DCUN1D2: variants seen among roughly 807,000 people sequenced by gnomAD.
The protein encoded by DCUN1D2 is DCN1-like protein 2.
DCUN1D2 carries 29 observed loss-of-function variants against 30.9 expected under a neutral mutation model. The ratio of observed to expected loss-of-function variants is 0.94; its 90% CI spans 0.70 to 1.28. The LOEUF (loss-of-function observed/expected upper bound fraction) is 1.28. Ranked by LOEUF, DCUN1D2 falls within the 50% of genes most tolerant of loss-of-function variation. DCUN1D2 has a pLI of 0.00. For synonymous variants in DCUN1D2, 121 were observed against 115.3 expected, an observed-to-expected ratio of 1.05 and a Z score of -0.32; for missense variants, 325 against 316.9, an observed-to-expected ratio of 1.03 and a Z score of -0.19.
chr13:113,468,202 T>A (rs2044439931), intron 4 of DCUN1D2, among the ~76,000 whole-genome samples: 1 of 152,164 alleles, frequency 6.6e-6, no homozygotes, highest in Admixed American at 6.5e-5. Flanking sequence ...CAGGGAATAT[T>A]ATTCAACCTT....
chr13:113,460,124 C>T (rs894206077), intron 5 of DCUN1D2, among the ~76,000 whole-genome samples: 28 of 152,252 alleles, frequency 1.8e-4, no homozygotes, highest in Non-Finnish European at 3.5e-4. Context: ...TAATACAGCA[C>T]ATGATGTAAT....
intron 5 of DCUN1D2, chr13:113,459,611 T>C: frequency 2.4e-6 from 1 of 419,810 alleles, no homozygotes; most frequent in Non-Finnish European, 4.3e-6. Context: ...AAAGCAGATT[T>C]ATTTAAGAAC....
At chr13:113,462,748 C>T (rs1184328890) in intron 4 of DCUN1D2, 2 of 1,043,568 alleles carry the variant, frequency 1.9e-6, no homozygotes, top group Non-Finnish European at 2.3e-6. Context: ...ACCGATGGGA[C>T]CCGCAGTAAA....
chr13:113,460,592 T>C (rs2139674838), intron 5 of DCUN1D2, among the ~76,000 whole-genome samples: 1 of 152,276 alleles, frequency 6.6e-6, no homozygotes, highest in African/African-American at 2.4e-5. Flanking sequence ...CACTTAGAAA[T>C]GGCTTCAGAC....
At chr13:113,483,455 A>C (rs1001241132) in intron 2 of DCUN1D2, among the ~76,000 whole-genome samples, 15 of 152,092 alleles carry the variant, frequency 9.9e-5, no homozygotes, top group African/African-American at 3.6e-4. Context: ...CTCATCATCA[A>C]TATTTCAGCC....
In DCUN1D2 at chr13:113,457,832, G is replaced by A. The variant is rs1595562948; in HGVS notation, c.*197C>T. On this transcript the variant is annotated 3_prime_UTR_variant, in exon 7 of 7. Coordinates refer to ENST00000478244, the MANE Select transcript of DCUN1D2 (RefSeq NM_001014283.2). ...ACAAATCTCCAAACATCCCAAAGCAGCCGTGTCCCGAGGAACTTCCTGCGG... is the reference window on the plus strand; with the variant it reads ...ACAAATCTCCAAACATCCCAAAGCAACCGTGTCCCGAGGAACTTCCTGCGG... 3 of 600,730 alleles carry A rather than the reference G, an allele frequency of 5.0e-6. No homozygotes were observed. In the East Asian group the frequency reaches 7.9e-5, roughly 16 times the overall value. The allele number at this position is 600,730 out of a possible 1,614,324, so 37.2% of individuals were successfully genotyped here.
intron 1 of DCUN1D2, chr13:113,489,132 A>C (rs1017171767): frequency 2.0e-6 from 2 of 985,358 alleles, no homozygotes; most frequent in Non-Finnish European, 2.4e-6. Context: ...TAAACTACGT[A>C]AGTTTATGGA....
At chr13:113,489,221 C>T (rs2044868985) in intron 1 of DCUN1D2, 8 of 894,436 alleles carry the variant, frequency 8.9e-6, no homozygotes, top group Non-Finnish European at 9.4e-6. Flanking sequence ...GATCTCCAAC[C>T]TCGGCAGCAG....
At chr13:113,491,047 G>T, upstream of DCUN1D2, 1 of 158,010 alleles carries the variant, frequency 6.3e-6, no homozygotes, top group Non-Finnish European at 1.4e-5. Flanking sequence ...TTGGCTGAGC[G>T]GGGGCGGTGC....
chr13:113,480,368 A>G, intron 3 of DCUN1D2: 1 of 450,276 alleles, frequency 2.2e-6, no homozygotes, highest in Non-Finnish European at 3.8e-6. Flanking sequence ...TGAAAAAAAT[A>G]AAAATGTGAA....
In DCUN1D2 at chr13:113,480,610, G is replaced by A; in HGVS notation, c.354C>T (p.Ser118=). 1 of 1,614,068 alleles carries A rather than the reference G, an allele frequency of 6.2e-7. No individual in the cohort carries two copies. Among genetic ancestry groups the A allele is most frequent in the East Asian group, 2.2e-5 (1 of 44,870 alleles). ...TCATGCCATCTAGAAATTCCTTTCT[G>A]CTAAATTCACACTGAGTTGCTGCCC... ...KFRAATQCEF[S]RKEFLDGMTE... The change falls in exon 3 of 7, where the codon AGC becomes AGT. Residue 118 remains serine (S), a synonymous_variant. Transcript: ENST00000478244.
chr13:113,462,267 T>TTAAA (rs1221807405), intron 4 of DCUN1D2, among the ~76,000 whole-genome samples: 2 of 148,774 alleles, frequency 1.3e-5, no homozygotes, highest in South Asian at 2.1e-4. Context: ...AAAAAAAAAA[T>TTAAA]TAAATAAATA....
At chr13:113,459,278 T>TAAA in intron 6 of DCUN1D2, 34 bp downstream of exon 6, 1 of 1,172,588 alleles carries the variant, frequency 8.5e-7, no homozygotes, top group African/African-American at 1.5e-5. Context: ...GTGTAAGCAT[T>TAAA]TCGGTCAATC....
chr13:113,470,855 C>T (rs1388999047), intron 4 of DCUN1D2, among the ~76,000 whole-genome samples: 1 of 149,538 alleles, frequency 6.7e-6, no homozygotes, highest in East Asian at 2.0e-4. Flanking sequence ...CCACAGGGGA[C>T]CCAAATCCAC....
At chr13:113,462,133 T>C (rs1289539916) in intron 4 of DCUN1D2, among the ~76,000 whole-genome samples, 2 of 151,962 alleles carry the variant, frequency 1.3e-5, no homozygotes, top group Non-Finnish European at 2.9e-5. Context: ...ATGCCTGTAG[T>C]CCCAGCTACT....
intron 5 of DCUN1D2, 191 bp from the exon 6 acceptor site, chr13:113,459,599 A>T (rs759840187): frequency 2.5e-5 from 11 of 440,802 alleles, no homozygotes; most frequent in Non-Finnish European, 4.4e-5. Flanking sequence ...GTCCAAATAT[A>T]GAAAGCAGAT....
intron 4 of DCUN1D2, among the ~76,000 whole-genome samples, chr13:113,469,677 T>C (rs1381681355): frequency 6.8e-6 from 1 of 147,290 alleles, no homozygotes; most frequent in African/African-American, 2.4e-5. Context: ...ACCTCAACTC[T>C]AAAACAAAAT....
intron 4 of DCUN1D2, among the ~76,000 whole-genome samples, chr13:113,466,685 G>A (rs928814056): frequency 4.0e-5 from 6 of 151,882 alleles, no homozygotes; most frequent in Non-Finnish European, 8.8e-5. Flanking sequence ...ATTTCCTGGA[G>A]GCCATGTTTA....
At chr13:113,469,192 T>C (rs2044462129) in intron 4 of DCUN1D2, among the ~76,000 whole-genome samples, 1 of 151,396 alleles carries the variant, frequency 6.6e-6, no homozygotes, top group South Asian at 2.1e-4. Flanking sequence ...GGGAGCACCA[T>C]GAAGTCGAAA....
Sources: allele counts gnomAD v4.1 joint callset (sites outside exome capture counted in the v4.1 genomes callset), GRCh38; gene constraint gnomAD v4.1.1; transcripts MANE v1.5; gene names NCBI Gene and HGNC (gene_info 2026-07-23, HGNC 2026-07-21).